Variants in LRP1B observed in about 807,000 individuals in gnomAD.
LRP1B encodes the protein low-density lipoprotein receptor-related protein 1B.
LRP1B carries 217 observed loss-of-function variants against 556.6 expected under a neutral mutation model. The observed-to-expected ratio is 0.39, with a 90% CI of 0.35 to 0.44. LRP1B has a LOEUF of 0.44. Among genes scored for constraint, LRP1B ranks in the 20% least tolerant of loss-of-function variants. LRP1B has a pLI of 1.00. For missense variants in LRP1B, 5,053 were observed against 5,620.8 expected (o/e 0.90, Z 3.23); for synonymous variants, 2,047 against 1,865.8 (o/e 1.10, Z -2.50).
intron 1 of LRP1B, among the ~76,000 whole-genome samples, chr2:141,816,195 T>C (rs1696540619): frequency 6.6e-6 from 1 of 152,166 alleles, no homozygotes; most frequent in African/African-American, 2.4e-5. Context: ...TGGCTAATAC[T>C]GTCAACTTGA....
chr2:141,834,948 C>G (rs1697223393), intron 1 of LRP1B, among the ~76,000 whole-genome samples: 1 of 151,244 alleles, frequency 6.6e-6, no homozygotes, highest in South Asian at 2.1e-4. Flanking sequence ...AGAAGATACA[C>G]AAGAAAAAAG....
At chr2:140,669,187 C>T (rs57060865) in intron 41 of LRP1B, among the ~76,000 whole-genome samples, 4,155 of 152,148 alleles carry the variant, frequency 0.027, 199 homozygotes, top group African/African-American at 0.094. Context: ...AAATGTGTTT[C>T]TTTATTAGTA....
intron 86 of LRP1B, among the ~76,000 whole-genome samples, chr2:140,260,568 T>C (rs1011623360): frequency 2.0e-5 from 3 of 151,822 alleles, no homozygotes; most frequent in Admixed American, 2.0e-4. Context: ...GATTGGGTCA[T>C]ATGCTTTATA....
chr2:140,674,934 A>C (rs891159638), intron 41 of LRP1B, among the ~76,000 whole-genome samples: 1 of 152,236 alleles, frequency 6.6e-6, no homozygotes, highest in African/African-American at 2.4e-5. Context: ...CAAGAGGTTC[A>C]GTCTTACAAT....
Position 140,994,744 on chromosome 2 carries a change from T to C in LRP1B, c.2504-609A>G, listed in dbSNP as rs142394996. Among the ~76,000 whole-genome samples, 533 of 152,128 alleles carry C rather than the reference T, an allele frequency of 3.5e-3. 4 individuals are homozygous for C. Among genetic ancestry groups the C allele is most frequent in the African/African-American group, 0.012 (516 of 41,552 alleles). The stretch of plus-strand genomic sequence containing the variant: ...CCTTAAATACATACAATAAAAATAA[T>C]GTCCTAAAATTTTACATACTTTAAA... On this transcript the variant is annotated intron_variant, in intron 15 of 90. Transcript: ENST00000389484.
chr2:141,037,134 G>A (rs1698557289), intron 11 of LRP1B, among the ~76,000 whole-genome samples: 1 of 152,014 alleles, frequency 6.6e-6, no homozygotes, highest in African/African-American at 2.4e-5. Context: ...AGGCTGACAT[G>A]CAGGAAATAT....
At chr2:140,330,168 A>C (rs9752415) in intron 79 of LRP1B, among the ~76,000 whole-genome samples, 65,546 of 148,746 alleles carry the variant, frequency 0.44, 15,147 homozygotes, top group Non-Finnish European at 0.53. Context: ...TCACTGAACT[A>C]CAGCCTGGGC....
intron 41 of LRP1B, among the ~76,000 whole-genome samples, chr2:140,697,731 T>C (rs1378463565): frequency 6.6e-6 from 1 of 152,014 alleles, no homozygotes; most frequent in Non-Finnish European, 1.5e-5. Context: ...ATATCTAGAA[T>C]TAGAAAATTC....
At chr2:140,494,706 A>T (rs1558921571) in intron 56 of LRP1B, among the ~76,000 whole-genome samples, 1 of 151,356 alleles carries the variant, frequency 6.6e-6, no homozygotes, top group Non-Finnish European at 1.5e-5. Context: ...AAAGGAGTTA[A>T]TTTTTTTTTC....
rs747616301 is a variant in LRP1B at position 140,495,637 on chromosome 2, T to A, written c.8962A>T (p.Thr2988Ser). 2 of 1,614,004 alleles carry A rather than the reference T, an allele frequency of 1.2e-6. No individual in the cohort carries two copies. The highest frequency in any genetic ancestry group is 1.7e-6 in the Non-Finnish European group (2 of 1,179,880). Residue 2988 changes from threonine to serine, a missense_variant, in exon 56 of 91, where the codon ACT becomes TCT. This residue lies in a region of LRP1B where 3,619 missense variants were observed against 3,931.9 expected (regional missense o/e 0.92). Coordinates refer to ENST00000389484, the MANE Select transcript of LRP1B (RefSeq NM_018557.3). ...CCATCTGTACAGAGGCACTTGTAAGTCCCGTATGTATTGATGCATTGCTGG... is the reference window on the plus strand; with the variant it reads ...CCATCTGTACAGAGGCACTTGTAAGACCCGTATGTATTGATGCATTGCTGG... ...CSQQCINTYG[T>S]YKCLCTDGYE...
intron 41 of LRP1B, among the ~76,000 whole-genome samples, chr2:140,678,076 C>A (rs1010920444): frequency 9.2e-5 from 14 of 151,956 alleles, no homozygotes; most frequent in Non-Finnish European, 1.6e-4. Context: ...CAATTTGAAC[C>A]CAGGGAATCT....
chr2:140,335,564 T>C (rs1317488402), intron 78 of LRP1B, 51 bp downstream of exon 78: 1 of 1,105,102 alleles, frequency 9.0e-7, no homozygotes, highest in Non-Finnish European at 1.4e-6. Flanking sequence ...GCATAATTTC[T>C]AAAAAGGATA....
chr2:140,588,818 G>C (rs1187587844), intron 43 of LRP1B, among the ~76,000 whole-genome samples: 1 of 136,396 alleles, frequency 7.3e-6, no homozygotes, highest in Admixed American at 7.8e-5. Flanking sequence ...AATCAGCCGG[G>C]TGTGGTGGCA....
chr2:140,524,315 A>G (rs1033898184), intron 49 of LRP1B, among the ~76,000 whole-genome samples: 1 of 151,914 alleles, frequency 6.6e-6, no homozygotes, highest in African/African-American at 2.4e-5. Flanking sequence ...TTAAAAAGTC[A>G]AAAAGTAAGA....
intron 23 of LRP1B, among the ~76,000 whole-genome samples, chr2:140,888,061 T>TTATTTAAAA (rs1296889741): frequency 6.6e-6 from 1 of 152,156 alleles, no homozygotes; most frequent in Admixed American, 6.6e-5. Context: ...AAAAATGTGG[T>TTATTTAAAA]AATGACTGTA....
chr2:141,489,284 T>C (rs1288284874), intron 2 of LRP1B, among the ~76,000 whole-genome samples: 2 of 151,866 alleles, frequency 1.3e-5, no homozygotes, highest in African/African-American at 2.4e-5. Context: ...CACTACACCT[T>C]GGCCTCTTTT....
chr2:141,865,400 G>A (rs1156272344), intron 1 of LRP1B, among the ~76,000 whole-genome samples: 1 of 151,578 alleles, frequency 6.6e-6, no homozygotes, highest in South Asian at 2.1e-4. Flanking sequence ...AGACCATCCC[G>A]GCTAAAACGG....
At chr2:141,810,119 A>T (rs1334014021) in intron 2 of LRP1B, among the ~76,000 whole-genome samples, 160 bp downstream of exon 2, 3 of 89,792 alleles carry the variant, frequency 3.3e-5, no homozygotes, top group Non-Finnish European at 7.2e-5. Context: ...AAGAAAAAGA[A>T]AGAAAGAAAG....
rs561160828 is a variant in LRP1B, at chr2:141,149,030, A to G, written c.1013+39391T>C. 2.6e-5 allele frequency among the ~76,000 whole-genome samples: 4 copies of G among 152,234 alleles called. No homozygotes were observed. In the South Asian group the frequency reaches 8.3e-4, roughly 32 times the overall value. ...CTTAACCCTGGGAAGCAGAGGTTGCAGTGAGCCGAGATCTCTGTCCCCCAG... is the reference window on the plus strand; with the variant it reads ...CTTAACCCTGGGAAGCAGAGGTTGCGGTGAGCCGAGATCTCTGTCCCCCAG... On this transcript the variant is annotated intron_variant, in intron 7 of 90. Coordinates refer to ENST00000389484, the MANE Select transcript of LRP1B (RefSeq NM_018557.3).
Sources: gnomAD v4.1 joint callset for allele counts (sites outside exome capture counted in the v4.1 genomes callset) on GRCh38, gnomAD v4.1.1 for gene constraint, gnomAD v4.1.1 regional missense constraint, MANE v1.5 for transcripts, NCBI Gene and HGNC (gene_info 2026-07-23, HGNC 2026-07-21) for gene names.